The following SSH2 variants were observed in gnomAD, a reference collection of about 807,000 sequenced individuals.
SSH2 encodes the protein slingshot protein phosphatase 2.
Under a neutral mutation model 135.2 loss-of-function variants are expected in SSH2, and 37 were observed. That is an observed-to-expected ratio of 0.27 (90% CI 0.21 to 0.36). The LOEUF (loss-of-function observed/expected upper bound fraction) is 0.36. SSH2 is among the 10% of genes least tolerant of loss of function. SSH2 has a pLI of 1.00. For missense variants in SSH2, 1,408 were observed against 1,765.3 expected, an observed-to-expected ratio of 0.80 and a Z score of 3.63; for synonymous variants, 628 against 646.2, an observed-to-expected ratio of 0.97 and a Z score of 0.43.
At chr17:29,831,619 T>G (rs551315495) in intron 2 of SSH2, among the ~76,000 whole-genome samples, 31 of 151,232 alleles carry the variant, frequency 2.0e-4, no homozygotes, top group South Asian at 4.2e-4. Context: ...CTCTTGTTGC[T>G]CAAGTGCAAT....
chr17:29,851,264 T>C (rs1265347420), intron 1 of SSH2, among the ~76,000 whole-genome samples: 1 of 152,106 alleles, frequency 6.6e-6, no homozygotes, highest in East Asian at 1.9e-4. Context: ...TAGATAATAC[T>C]AAGCACATCA....
intron 15 of SSH2, 140 bp from the exon 16 acceptor site, chr17:29,633,071 C>G (rs1225664086): frequency 6.9e-6 from 5 of 720,368 alleles, no homozygotes; most frequent in Non-Finnish European, 9.0e-6. Context: ...TGGGACCACA[C>G]TCTGCCCATC....
At chr17:29,656,290 C>T (rs532414074) in intron 11 of SSH2, among the ~76,000 whole-genome samples, 146 of 152,316 alleles carry the variant, frequency 9.6e-4, no homozygotes, top group Non-Finnish European at 1.6e-3. Flanking sequence ...AATTCTCCTG[C>T]CTCAGCCTCC....
intron 2 of SSH2, among the ~76,000 whole-genome samples, chr17:29,840,710 A>G (rs2151378369): frequency 6.6e-6 from 1 of 152,282 alleles, no homozygotes; most frequent in East Asian, 1.9e-4. Context: ...TCTGTTGAAG[A>G]GCTGGTGACA....
intron 1 of SSH2, among the ~76,000 whole-genome samples, chr17:29,894,184 T>C (rs1028172482): frequency 6.6e-6 from 1 of 152,148 alleles, no homozygotes; most frequent in African/African-American, 2.4e-5. Context: ...TAATAATTCC[T>C]AAGTACTAAA....
At position 29,703,323 on chromosome 17, in the gene SSH2, A is replaced by G. The variant is rs576314041; in HGVS notation, c.189-261T>C. Among the ~76,000 whole-genome samples the G allele has an allele frequency of 2.0e-4, 31 of 152,082 alleles. No individual in the cohort carries two copies. In the East Asian group the frequency reaches 5.2e-3, roughly 26 times the overall value. ...GAGTGCAGTGGCGTGATCTTGGCTC[A>G]CTGCAACCTCCGCCTCCTGGGTTCA... On this transcript the variant is annotated intron_variant, in intron 3 of 15. Transcript: ENST00000540801.
chr17:29,710,231 T>G (rs1346748005), intron 3 of SSH2, among the ~76,000 whole-genome samples: 1 of 152,178 alleles, frequency 6.6e-6, no homozygotes, highest in Non-Finnish European at 1.5e-5. Context: ...AATGGCTCAT[T>G]TACTATGAGA....
intron 1 of SSH2, among the ~76,000 whole-genome samples, chr17:29,891,530 G>A (rs2066350171): frequency 6.6e-6 from 1 of 151,302 alleles, no homozygotes; most frequent in Non-Finnish European, 1.5e-5. Flanking sequence ...GCTCAAGCAA[G>A]CAGCTCAAGA....
At chr17:29,713,283 C>T (rs544334141) in intron 3 of SSH2, among the ~76,000 whole-genome samples, 2 of 152,042 alleles carry the variant, frequency 1.3e-5, no homozygotes, top group Non-Finnish European at 2.9e-5. Flanking sequence ...TGCAGTGAGC[C>T]GAGATCGCGC....
intron 3 of SSH2, among the ~76,000 whole-genome samples, chr17:29,746,670 G>A (rs915476581): frequency 6.6e-6 from 1 of 151,984 alleles, no homozygotes; most frequent in African/African-American, 2.4e-5. Flanking sequence ...ACTTAAAAGG[G>A]ACGTGGGTCA....
intron 4 of SSH2, among the ~76,000 whole-genome samples, chr17:29,700,010 A>G (rs1598831263): frequency 1.3e-5 from 2 of 152,316 alleles, no homozygotes; most frequent in South Asian, 4.1e-4. Context: ...TATGATTCTG[A>G]GCTGCCACAG....
Position 29,629,816 on chromosome 17 carries a change from G to T in SSH2, c.*1025C>A, listed in dbSNP as rs2035599569. On this transcript the variant is annotated 3_prime_UTR_variant, in exon 16 of 16. Coordinates refer to ENST00000540801, the MANE Select transcript of SSH2 (RefSeq NM_001282129.2). ...ATAATCTATGAAATTTAAAAAAATA[G>T]GCAGCATGGGGACAACAGCATGGGG... 1 of 152,480 alleles carries T rather than the reference G, an allele frequency of 6.6e-6. No homozygotes were observed. The highest frequency in any genetic ancestry group is 1.5e-5 in the Non-Finnish European group (1 of 68,030). The allele number at this position is 152,480 out of a possible 1,614,324, so 9.4% of individuals were successfully genotyped here.
intron 2 of SSH2, among the ~76,000 whole-genome samples, chr17:29,848,361 T>G (rs1359278886): frequency 1.3e-5 from 2 of 152,174 alleles, no homozygotes; most frequent in Non-Finnish European, 2.9e-5. Flanking sequence ...GATGATCAGG[T>G]CGGGTTTCCA....
At chr17:29,833,112 T>C (rs1389004476) in intron 2 of SSH2, among the ~76,000 whole-genome samples, 2 of 152,254 alleles carry the variant, frequency 1.3e-5, no homozygotes, top group Non-Finnish European at 2.9e-5. Context: ...CCATTTGGTC[T>C]ATAGTGCAGA....
At chr17:29,695,054 C>T (rs1216176106) in intron 5 of SSH2, among the ~76,000 whole-genome samples, 1 of 152,126 alleles carries the variant, frequency 6.6e-6, no homozygotes, top group African/African-American at 2.4e-5. Flanking sequence ...AGTCTGAAGC[C>T]AGCATCAATC....
At chr17:29,687,776 C>T (rs977429079) in intron 5 of SSH2, among the ~76,000 whole-genome samples, 1 of 152,124 alleles carries the variant, frequency 6.6e-6, no homozygotes, top group African/African-American at 2.4e-5. Context: ...GTCAACGCTC[C>T]AAGAATTTCT....
chr17:29,885,385 C>T (rs1346288566), intron 1 of SSH2, among the ~76,000 whole-genome samples: 1 of 151,000 alleles, frequency 6.6e-6, no homozygotes, highest in Non-Finnish European at 1.5e-5. Context: ...GGTCTTTTTC[C>T]CCAGTTCCTG....
At chr17:29,879,016 G>A (rs1426799955) in intron 1 of SSH2, among the ~76,000 whole-genome samples, 4 of 152,142 alleles carry the variant, frequency 2.6e-5, no homozygotes, top group African/African-American at 9.7e-5. Flanking sequence ...GCACAAATTG[G>A]TGGCTAAATT....
At chr17:29,926,644 A>G (rs149774973) in intron 1 of SSH2, among the ~76,000 whole-genome samples, 83 of 152,096 alleles carry the variant, frequency 5.5e-4, no homozygotes, top group African/African-American at 1.8e-3. Context: ...CATCAAGTTC[A>G]AACTCCAAAC....
Sources: gnomAD v4.1 joint callset for allele counts (sites outside exome capture counted in the v4.1 genomes callset) on GRCh38, gnomAD v4.1.1 for gene constraint, MANE v1.5 for transcripts, NCBI Gene and HGNC (gene_info 2026-07-23, HGNC 2026-07-21) for gene names.